The following N4BP2L2 variants were observed in gnomAD, a reference collection of about 807,000 sequenced individuals.
The protein encoded by N4BP2L2 is NEDD4 binding protein 2 like 2, also known as NEDD4-binding protein 2-like 2.
N4BP2L2 carries 50 observed loss-of-function variants against 56.2 expected under a neutral mutation model. That is an observed-to-expected ratio of 0.89 (90% confidence interval 0.71 to 1.13). The LOEUF (loss-of-function observed/expected upper bound fraction) is 1.13. Among genes scored for constraint, N4BP2L2 ranks in the 50% most tolerant of loss-of-function variants. N4BP2L2 has a pLI of 0.00. For missense variants in N4BP2L2, 689 were observed against 693.8 expected (o/e 0.99, Z 0.08); for synonymous variants, 203 against 223.6 (o/e 0.91, Z 0.82).
chr13:32,486,703 TA>T (rs1228686582), intron 6 of N4BP2L2, among the ~76,000 whole-genome samples: 1 of 143,910 alleles, frequency 6.9e-6, no homozygotes, highest in Non-Finnish European at 1.5e-5. Flanking sequence ...AATAACATAA[TA>T]ATAAAAATAA....
intron 6 of N4BP2L2, among the ~76,000 whole-genome samples, chr13:32,459,439 C>T (rs933294040): frequency 4.0e-5 from 6 of 151,646 alleles, no homozygotes; most frequent in East Asian, 3.9e-4. Context: ...AAATGAAAAA[C>T]GAGACATAAC....
intron 6 of N4BP2L2, among the ~76,000 whole-genome samples, chr13:32,464,726 C>G (rs941068642): frequency 1.3e-5 from 2 of 152,010 alleles, no homozygotes; most frequent in African/African-American, 2.4e-5. Flanking sequence ...AGACTACTGA[C>G]TGACAAAAGT....
intron 6 of N4BP2L2, among the ~76,000 whole-genome samples, chr13:32,453,070 C>A (rs1482172128): frequency 1.3e-5 from 2 of 152,148 alleles, no homozygotes; most frequent in Middle Eastern, 3.4e-3. Flanking sequence ...ACCAGCCTGG[C>A]CAACAAGGAG....
intron 7 of N4BP2L2, among the ~76,000 whole-genome samples, chr13:32,440,798 A>ATT: frequency 6.6e-6 from 1 of 150,494 alleles, no homozygotes; most frequent in Non-Finnish European, 1.5e-5. Context: ...AAAAAATCAT[A>ATT]TTTTTGCTCG....
At chr13:32,446,424 G>A in intron 6 of N4BP2L2, 1 of 1,360,986 alleles carries the variant, frequency 7.3e-7, no homozygotes, top group South Asian at 1.2e-5. Flanking sequence ...TCATCCTGCA[G>A]ACTAGTATGT....
chr13:32,443,037 G>C lies in N4BP2L2; in HGVS notation c.1455C>G (p.Asp485Glu), dbSNP rs760586865. 1.1e-5 allele frequency: 18 copies of C among 1,608,122 alleles called. 1 individual carries two copies. In the South Asian group the frequency reaches 1.9e-4, roughly 17 times the overall value. Residue 485 changes from aspartate (D) to glutamate (E), a missense_variant, in exon 7 of 10, where the codon GAC (aspartate) becomes GAG (glutamate). Transcript: ENST00000357505. ...CACCGATACGACTCTGTCCTAATAA[G>C]TCAAAATTTGGTACCAAATTGAAAA...
exon 6 of N4BP2L2, chr13:32,510,390 A>G (rs1210247282): frequency 6.6e-6 from 1 of 152,160 alleles, no homozygotes; most frequent in Non-Finnish European, 1.5e-5. Context: ...ACAACAGTAT[A>G]TGTAAATAAT....
chr13:32,535,691 A>T, intron 2 of N4BP2L2, 78 bp downstream of exon 2: 1 of 1,462,626 alleles, frequency 6.8e-7, no homozygotes, highest in Non-Finnish European at 9.2e-7. Flanking sequence ...TGCATGAGTC[A>T]CTGCAGCCGG....
intron 6 of N4BP2L2, among the ~76,000 whole-genome samples, chr13:32,450,642 T>G (rs544299724): frequency 6.0e-5 from 9 of 150,906 alleles, no homozygotes; most frequent in Non-Finnish European, 5.9e-5. Flanking sequence ...TTTTGTTTTT[T>G]TTTTATAAGA....
intron 6 of N4BP2L2, chr13:32,478,972 A>G (rs1288933774): frequency 1.3e-5 from 2 of 152,060 alleles, no homozygotes; most frequent in African/African-American, 2.4e-5. Context: ...TCTACTAACA[A>G]TACAAAAAAG....
intron 6 of N4BP2L2, among the ~76,000 whole-genome samples, chr13:32,444,367 C>A (rs910596913): frequency 6.6e-6 from 1 of 152,172 alleles, no homozygotes; most frequent in Non-Finnish European, 1.5e-5. Context: ...CGGGTTCAAG[C>A]AATTCTCCTG....
At chr13:32,524,757 A>T (rs191904302) in intron 3 of N4BP2L2, 2 of 151,846 alleles carry the variant, frequency 1.3e-5, no homozygotes, top group Admixed American at 6.6e-5. Flanking sequence ...ATTCTGTACT[A>T]GTTTGTTTGT....
At chr13:32,491,977 G>A (rs2087216283) in intron 6 of N4BP2L2, among the ~76,000 whole-genome samples, 1 of 152,068 alleles carries the variant, frequency 6.6e-6, no homozygotes, top group Non-Finnish European at 1.5e-5. Context: ...TTGAACTGGT[G>A]AGTTATTATG....
intron 6 of N4BP2L2, among the ~76,000 whole-genome samples, chr13:32,460,466 T>C (rs2079837605): frequency 6.6e-6 from 1 of 152,038 alleles, no homozygotes; most frequent in Non-Finnish European, 1.5e-5. Context: ...TTGCAAGACA[T>C]AAAATCAACA....
intron 6 of N4BP2L2, among the ~76,000 whole-genome samples, chr13:32,502,840 C>G (rs1170682912): frequency 3.3e-5 from 5 of 152,132 alleles, no homozygotes; most frequent in Admixed American, 3.3e-4. Context: ...GAAACACATT[C>G]TATTTTCAGA....
chr13:32,463,758 G>A (rs1344907426), intron 6 of N4BP2L2, among the ~76,000 whole-genome samples: 1 of 151,616 alleles, frequency 6.6e-6, no homozygotes, highest in Non-Finnish European at 1.5e-5. Context: ...AGAAGGCAGT[G>A]GGTTGACATT....
intron 6 of N4BP2L2, among the ~76,000 whole-genome samples, chr13:32,500,557 A>G: frequency 6.8e-6 from 1 of 146,076 alleles, no homozygotes; most frequent in East Asian, 2.0e-4. Flanking sequence ...AAAAAAAAAA[A>G]AAAAAAAAAA....
intron 7 of N4BP2L2, chr13:32,442,267 G>T: frequency 2.2e-6 from 2 of 911,690 alleles, no homozygotes; most frequent in Non-Finnish European, 3.2e-6. Context: ...ACTCACTGCT[G>T]AAAAGCATCA....
chr13:32,525,789 GAGA>G (rs1223356915), intron 3 of N4BP2L2, among the ~76,000 whole-genome samples: 10 of 152,282 alleles, frequency 6.6e-5, no homozygotes, highest in Admixed American at 5.9e-4. Flanking sequence ...GCAGCTTTGA[GAGA>G]AGTTCTTCAT....
Sources: allele counts gnomAD v4.1 joint callset (sites outside exome capture counted in the v4.1 genomes callset), GRCh38; gene constraint gnomAD v4.1.1; transcripts MANE v1.5; gene names NCBI Gene and HGNC (gene_info 2026-07-23, HGNC 2026-07-21).